The following ARHGEF6 variants were observed in gnomAD, a reference collection of about 807,000 sequenced individuals.
ARHGEF6 encodes Rac/Cdc42 guanine nucleotide exchange factor 6.
In ARHGEF6, 9 loss-of-function variants were observed where a neutral mutation model predicts 70.3. That is an observed-to-expected ratio of 0.13 (90% CI 0.08 to 0.22). The LOEUF is 0.22. Among genes scored for constraint, ARHGEF6 ranks in the 10% least tolerant of loss-of-function variants. The pLI is 1.00. For missense variants in ARHGEF6, 470 were observed against 563.0 expected (o/e 0.83, Z 1.67); for synonymous variants, 201 against 207.8 (o/e 0.97, Z 0.28).
chrX:136,703,565 C>T (rs1039873152), intron 9 of ARHGEF6, among the ~76,000 whole-genome samples: 1 of 112,285 alleles, frequency 8.9e-6, no homozygotes, highest in Admixed American at 9.4e-5. Context: ...TCTTGTTGCC[C>T]AGGCAGGAGT....
chrX:136,669,028 C>G (rs1163467111), intron 21 of ARHGEF6, among the ~76,000 whole-genome samples: 1 of 111,589 alleles, frequency 9.0e-6, no homozygotes, highest in Non-Finnish European at 1.9e-5. Flanking sequence ...AAGTGGTCTT[C>G]TAGTCCCTGG....
intron 2 of ARHGEF6, chrX:136,767,230 C>G (rs949467576): frequency 4.0e-6 from 3 of 754,043 alleles, no homozygotes; most frequent in African/African-American, 4.6e-5. Flanking sequence ...TTCGCCCTCC[C>G]GAGTCACGGG....
At chrX:136,685,952 T>G in intron 11 of ARHGEF6, 129 bp from the exon 12 acceptor site, 1 of 708,244 alleles carries the variant, frequency 1.4e-6, no homozygotes, top group Non-Finnish European at 2.2e-6. Flanking sequence ...ATGAATCCCA[T>G]GACCCAGGCC....
chrX:136,696,055 T>A (rs935368037), intron 9 of ARHGEF6, among the ~76,000 whole-genome samples: 1 of 111,773 alleles, frequency 8.9e-6, no homozygotes, highest in African/African-American at 3.3e-5. Context: ...AATACTAACA[T>A]CAATCCTGCA....
intron 6 of ARHGEF6, among the ~76,000 whole-genome samples, chrX:136,722,821 T>C (rs886548549): frequency 4.5e-5 from 5 of 112,184 alleles, no homozygotes. Flanking sequence ...AGTGAAAACA[T>C]ATGTCCACAC....
chrX:136,727,335 TTCTTTCTTTCTTTC>T (rs2076867209), intron 6 of ARHGEF6, among the ~76,000 whole-genome samples: 1 of 34,774 alleles, frequency 2.9e-5, no homozygotes, highest in Non-Finnish European at 5.3e-5. Flanking sequence ...TTTTCTTTCT[TTCTTTCTTTCTTTC>T]TTTCTTTCTT....
At chrX:136,676,419 A>G (rs2076282414) in intron 18 of ARHGEF6, among the ~76,000 whole-genome samples, 1 of 112,615 alleles carries the variant, frequency 8.9e-6, no homozygotes, top group African/African-American at 3.2e-5. Context: ...ACATCTGCCT[A>G]AGATGACATG....
chrX:136,697,958 T>A (rs2148603644), intron 9 of ARHGEF6, among the ~76,000 whole-genome samples: 1 of 112,102 alleles, frequency 8.9e-6, no homozygotes, highest in Admixed American at 9.4e-5. Flanking sequence ...CCATTATAAA[T>A]ATGTGCAAAG....
rs1473480109 is a variant in ARHGEF6 at position 136,732,127 on chromosome X, G to A, written c.707C>T (p.Pro236Leu). 1 of 1,208,335 alleles carries A rather than the reference G, an allele frequency of 8.3e-7. No individual in the cohort carries two copies. The highest frequency in any genetic ancestry group is 1.1e-6 in the Non-Finnish European group (1 of 893,044). Residue 236 changes from proline to leucine, a missense_variant, in exon 6 of 22, where the codon CCA (proline) becomes CTA (leucine). Coordinates refer to ENST00000250617, the MANE Select transcript of ARHGEF6 (RefSeq NM_004840.3). ...PKAVKGFETA[P>L]LTKNYYTVVL... ...CACAGTATAATAATTCTTGGTAAGT[G>A]GAGCAGTTTCAAATCCTTTGACGGC...
intron 2 of ARHGEF6, among the ~76,000 whole-genome samples, chrX:136,762,899 T>C (rs1251268110): frequency 9.0e-6 from 1 of 111,265 alleles, no homozygotes; most frequent in Non-Finnish European, 1.9e-5. Flanking sequence ...AAGCTCATAG[T>C]CCCTGCACTG....
At chrX:136,743,868 A>G (rs991733285) in intron 4 of ARHGEF6, 82 bp from the exon 5 acceptor site, 1 of 941,825 alleles carries the variant, frequency 1.1e-6, no homozygotes, top group Non-Finnish European at 1.5e-6. Context: ...AGGCAAATAA[A>G]GTGGAGGAAG....
At chrX:136,679,716 C>T (rs911216531) in intron 15 of ARHGEF6, 56 bp from the exon 16 acceptor site, 28 of 1,191,031 alleles carry the variant, frequency 2.4e-5, no homozygotes, top group Non-Finnish European at 2.6e-5. Flanking sequence ...CGACCTTGTG[C>T]CACACAGTGA....
chrX:136,768,968 G>A (rs1446801700), intron 2 of ARHGEF6, among the ~76,000 whole-genome samples: 4 of 107,017 alleles, frequency 3.7e-5, no homozygotes, highest in East Asian at 2.9e-4. Context: ...GAAAGAAAGA[G>A]AGAGGGGGAG....
At chrX:136,738,184 T>C (rs2077006556) in intron 5 of ARHGEF6, among the ~76,000 whole-genome samples, 1 of 111,255 alleles carries the variant, frequency 9.0e-6, no homozygotes, top group African/African-American at 3.3e-5. Flanking sequence ...CATCGTCCAC[T>C]GACCTATACT....
chrX:136,730,037 T>C (rs2076919845), intron 6 of ARHGEF6, among the ~76,000 whole-genome samples: 2 of 110,540 alleles, frequency 1.8e-5, no homozygotes, highest in African/African-American at 6.6e-5. Flanking sequence ...TTACATGTGG[T>C]GTTTATTTTC....
intron 13 of ARHGEF6, among the ~76,000 whole-genome samples, chrX:136,682,440 C>T (rs1217706731): frequency 8.9e-6 from 1 of 111,921 alleles, no homozygotes; most frequent in Non-Finnish European, 1.9e-5. Context: ...GAGCAGGTCC[C>T]AGCTTTATGT....
chrX:136,691,882 C>G (rs1194368003), intron 9 of ARHGEF6, among the ~76,000 whole-genome samples: 1 of 111,892 alleles, frequency 8.9e-6, no homozygotes, highest in Non-Finnish European at 1.9e-5. Flanking sequence ...CACCATCTTT[C>G]TCACTACTCC....
chrX:136,747,679 C>T (rs5930984), intron 2 of ARHGEF6, 87 bp from the exon 3 acceptor site: 18 of 304,680 alleles, frequency 5.9e-5, no homozygotes, highest in Non-Finnish European at 9.3e-5. Flanking sequence ...TCCTCCAGCT[C>T]TCCGGAAAAA....
At chrX:136,727,734 A>G (rs2076885389) in intron 6 of ARHGEF6, among the ~76,000 whole-genome samples, 1 of 110,771 alleles carries the variant, frequency 9.0e-6, no homozygotes, top group South Asian at 3.9e-4. Context: ...GGGTATCGCC[A>G]TGTTGGCCAG....
Sources: gnomAD v4.1 joint callset for allele counts (sites outside exome capture counted in the v4.1 genomes callset) on GRCh38, gnomAD v4.1.1 for gene constraint, MANE v1.5 for transcripts, NCBI Gene and HGNC (gene_info 2026-07-23, HGNC 2026-07-21) for gene names.